The following NEGR1 variants were observed in gnomAD, a reference collection of about 807,000 sequenced individuals.
NEGR1 encodes IgLON family member 4.
NEGR1 carries 10 observed loss-of-function variants against 40.9 expected under a neutral mutation model. The ratio of observed to expected loss-of-function variants is 0.24; its 90% confidence interval spans 0.15 to 0.42. The LOEUF is 0.42. NEGR1 is among the 10% of genes least tolerant of loss of function. The probability of loss-of-function intolerance (pLI) is 1.00; values close to 1 mark genes in which losing one functional copy is unlikely to be tolerated. For missense variants in NEGR1, 352 were observed against 438.9 expected (o/e 0.80, Z 1.77); for synonymous variants, 185 against 166.8 (o/e 1.11, Z -0.84).
At chr1:71,505,044 T>C (rs547086365) in intron 6 of NEGR1, among the ~76,000 whole-genome samples, 13 of 151,916 alleles carry the variant, frequency 8.6e-5, no homozygotes, top group Non-Finnish European at 1.6e-4. Flanking sequence ...CCAGGACAAG[T>C]AGTTTGCAAA....
intron 1 of NEGR1, among the ~76,000 whole-genome samples, chr1:72,031,071 A>G (rs1440057832): frequency 6.6e-6 from 1 of 152,188 alleles, no homozygotes; most frequent in Non-Finnish European, 1.5e-5. Context: ...CTAACAGGAC[A>G]CCCTGTTCAT....
chr1:71,946,836 G>A (rs1646024111), intron 1 of NEGR1, among the ~76,000 whole-genome samples: 1 of 151,740 alleles, frequency 6.6e-6, no homozygotes, highest in Admixed American at 6.6e-5. Flanking sequence ...ATAAATATTT[G>A]TCCAGCACTT....
intron 1 of NEGR1, among the ~76,000 whole-genome samples, chr1:72,273,633 G>T (rs1161308620): frequency 2.0e-5 from 3 of 151,594 alleles, no homozygotes; most frequent in African/African-American, 7.3e-5. Flanking sequence ...GTTAATCAAA[G>T]AATACTTTAC....
At chr1:71,744,908 CAG>C (rs143644195) in intron 3 of NEGR1, among the ~76,000 whole-genome samples, 13,255 of 152,078 alleles carry the variant, frequency 0.087, 771 homozygotes, top group Middle Eastern at 0.16. Flanking sequence ...GGGAATGAAA[CAG>C]AGAAAAATTA....
At chr1:71,827,070 C>G (rs980680806) in intron 2 of NEGR1, among the ~76,000 whole-genome samples, 1 of 151,682 alleles carries the variant, frequency 6.6e-6, no homozygotes, top group African/African-American at 2.4e-5. Context: ...GGCTTTTCTC[C>G]TTTCACAGTG....
At chr1:72,239,721 G>A (rs1330103957) in intron 1 of NEGR1, among the ~76,000 whole-genome samples, 1 of 151,530 alleles carries the variant, frequency 6.6e-6, no homozygotes, top group Non-Finnish European at 1.5e-5. Flanking sequence ...ATCATTTTGT[G>A]CCTTCTAGAA....
intron 2 of NEGR1, among the ~76,000 whole-genome samples, chr1:71,870,213 T>C (rs146255305): frequency 1.9e-3 from 282 of 152,250 alleles, no homozygotes; most frequent in Admixed American, 6.1e-3. Flanking sequence ...ATAAATTGAG[T>C]ATCCTGCAAG....
intron 6 of NEGR1, among the ~76,000 whole-genome samples, chr1:71,492,838 GA>G (rs919082448): frequency 6.6e-6 from 1 of 152,034 alleles, no homozygotes; most frequent in African/African-American, 2.4e-5. Flanking sequence ...AAATGAAAAC[GA>G]AAGTAGCTTG....
intron 6 of NEGR1, among the ~76,000 whole-genome samples, chr1:71,509,239 C>A (rs183447573): frequency 5.9e-5 from 9 of 152,296 alleles, no homozygotes; most frequent in African/African-American, 2.2e-4. Flanking sequence ...GAATGCATTG[C>A]ATATTGGCTC....
At chr1:71,447,371 A>T (rs1646590008) in intron 6 of NEGR1, among the ~76,000 whole-genome samples, 1 of 152,236 alleles carries the variant, frequency 6.6e-6, no homozygotes, top group Admixed American at 6.5e-5. Context: ...ACAAATGCCC[A>T]TTGATATAAA....
At chr1:71,945,273 TTA>T (rs1176209322) in intron 1 of NEGR1, among the ~76,000 whole-genome samples, 1 of 152,120 alleles carries the variant, frequency 6.6e-6, no homozygotes, top group Non-Finnish European at 1.5e-5. Context: ...ATTAAATTAA[TTA>T]GTTTGTTTAA....
intron 1 of NEGR1, among the ~76,000 whole-genome samples, chr1:72,164,544 T>C (rs1475068712): frequency 3.3e-5 from 5 of 152,054 alleles, no homozygotes; most frequent in Non-Finnish European, 5.9e-5. Context: ...GTCATTTTAC[T>C]AATACAAGTG....
chr1:71,755,240 C>T (rs893765647), intron 3 of NEGR1, among the ~76,000 whole-genome samples: 68 of 152,192 alleles, frequency 4.5e-4, no homozygotes, highest in African/African-American at 1.5e-3. Context: ...GTTGGTTTTA[C>T]CTGTATATTA....
intron 2 of NEGR1, among the ~76,000 whole-genome samples, chr1:71,928,091 TAC>T (rs1239846890): frequency 1.8e-5 from 2 of 113,214 alleles, no homozygotes; most frequent in African/African-American, 3.4e-5. Context: ...TATGTATATA[TAC>T]ACACATATGT....
intron 1 of NEGR1, among the ~76,000 whole-genome samples, chr1:71,998,927 G>A (rs929521628): frequency 6.6e-6 from 1 of 151,772 alleles, no homozygotes; most frequent in Middle Eastern, 3.4e-3. Context: ...TATAAATTTA[G>A]GTACATAACA....
chr1:71,705,789 GGAAAA>G (rs893205383), intron 3 of NEGR1, among the ~76,000 whole-genome samples: 49 of 147,210 alleles, frequency 3.3e-4, no homozygotes, highest in East Asian at 9.9e-4. Flanking sequence ...AGGAAAGAAA[GGAAAA>G]GAAAAGAAAA....
chr1:71,757,425 C>T (rs1655781443), intron 3 of NEGR1, among the ~76,000 whole-genome samples: 1 of 152,016 alleles, frequency 6.6e-6, no homozygotes, highest in Admixed American at 6.6e-5. Flanking sequence ...TCCTAGTATC[C>T]TTTACATCTT....
chr1:71,449,836 C>T (rs1026436502), intron 6 of NEGR1, among the ~76,000 whole-genome samples: 13 of 152,016 alleles, frequency 8.6e-5, no homozygotes, highest in Non-Finnish European at 1.8e-4. Context: ...TCTTAGACCA[C>T]ATTGTTTAGT....
At chr1:71,802,722 T>C (rs1398182095) in intron 2 of NEGR1, among the ~76,000 whole-genome samples, 1 of 152,196 alleles carries the variant, frequency 6.6e-6, no homozygotes, top group African/African-American at 2.4e-5. Flanking sequence ...TTAGAATGGC[T>C]TGGGACTCAT....
Sources: allele counts gnomAD v4.1 joint callset (sites outside exome capture counted in the v4.1 genomes callset), GRCh38; gene constraint gnomAD v4.1.1; transcripts MANE v1.5; gene names NCBI Gene and HGNC (gene_info 2026-07-23, HGNC 2026-07-21).